Variants in PTBP3 observed in about 807,000 individuals in gnomAD.
The protein encoded by PTBP3 is polypyrimidine tract binding protein 3.
Under a neutral mutation model 58.7 loss-of-function variants are expected in PTBP3, and 20 were observed. The observed-to-expected ratio is 0.34, with a 90% confidence interval of 0.24 to 0.50. The LOEUF (loss-of-function observed/expected upper bound fraction) is 0.50. PTBP3 is among the 20% of genes least tolerant of loss of function. The pLI is 0.98. For synonymous variants in PTBP3, 185 were observed against 219.8 expected, an observed-to-expected ratio of 0.84 and a Z score of 1.40; for missense variants, 509 against 637.2, an observed-to-expected ratio of 0.80 and a Z score of 2.17.
chr9:112,379,667 C>T, the PTBP3 span, among the ~76,000 whole-genome samples: 2 of 152,248 alleles, frequency 1.3e-5, no homozygotes, highest in East Asian at 3.9e-4. Context: ...GCCGAGAGAA[C>T]GCCAGGCTCG....
chr9:112,241,076 G>A (rs1008709431), intron 7 of PTBP3, among the ~76,000 whole-genome samples: 8 of 151,914 alleles, frequency 5.3e-5, no homozygotes, highest in African/African-American at 1.9e-4. Context: ...AGTAAGCTAA[G>A]GTTATTTTAT....
chr9:112,345,683 A>T, the PTBP3 span, among the ~76,000 whole-genome samples: 4 of 152,064 alleles, frequency 2.6e-5, no homozygotes, highest in Admixed American at 2.6e-4. Context: ...ACCTGGCCAA[A>T]AAAAAGTAAA....
At chr9:112,228,917 A>C (rs1429914940) in intron 10 of PTBP3, among the ~76,000 whole-genome samples, 1 of 152,176 alleles carries the variant, frequency 6.6e-6, no homozygotes, top group Non-Finnish European at 1.5e-5. Context: ...CTACCATCAA[A>C]GCTATCAACA....
chr9:112,302,844 C>A (rs1829004990), intron 1 of PTBP3, among the ~76,000 whole-genome samples: 1 of 152,186 alleles, frequency 6.6e-6, no homozygotes, highest in Non-Finnish European at 1.5e-5. Flanking sequence ...CCCACCTCTG[C>A]CTCCTAAAGT....
intron 1 of PTBP3, among the ~76,000 whole-genome samples, chr9:112,312,787 T>C (rs367917391): frequency 6.6e-6 from 1 of 152,130 alleles, no homozygotes; most frequent in Non-Finnish European, 1.5e-5. Context: ...CTCATGCATG[T>C]AATCCCAGAA....
At chr9:112,357,046 A>AT in the PTBP3 span, among the ~76,000 whole-genome samples, 3 of 151,226 alleles carry the variant, frequency 2.0e-5, no homozygotes, top group Non-Finnish European at 4.4e-5. Flanking sequence ...CACCCGGCTA[A>AT]TTTTTTTGTA....
Position 112,282,153 on chromosome 9 carries a change from T to A in PTBP3, c.35-6140A>T, listed in dbSNP as rs182715363. Among the ~76,000 whole-genome samples, 371 of 152,284 alleles carry A rather than the reference T, an allele frequency of 2.4e-3. 8 individuals carry two copies. Among genetic ancestry groups the A allele is most frequent in the Admixed American group, 0.024 (364 of 15,296 alleles). ...GGTCCCAGCTCTAAATACCATCACATAGCGAGTTAGGGCTTCAACATACCA... is the reference window on the plus strand; with the variant it reads ...GGTCCCAGCTCTAAATACCATCACAAAGCGAGTTAGGGCTTCAACATACCA... On this transcript the variant is annotated intron_variant, in intron 2 of 13. Transcript: ENST00000374257.
intron 7 of PTBP3, among the ~76,000 whole-genome samples, chr9:112,235,463 T>A (rs1835403724): frequency 6.6e-6 from 1 of 152,158 alleles, no homozygotes; most frequent in Admixed American, 6.6e-5. Context: ...GTACTTAGTG[T>A]GTACTAAATG....
intron 7 of PTBP3, among the ~76,000 whole-genome samples, chr9:112,236,998 A>G (rs1417480841): frequency 6.6e-6 from 1 of 152,190 alleles, no homozygotes; most frequent in Admixed American, 6.6e-5. Flanking sequence ...AAAGGACAGC[A>G]AAGTGGCTAA....
chr9:112,247,236 AGCCTGG>A (rs1438473206), intron 7 of PTBP3, among the ~76,000 whole-genome samples: 1 of 151,528 alleles, frequency 6.6e-6, no homozygotes, highest in Non-Finnish European at 1.5e-5. Context: ...ACTGCACTTC[AGCCTGG>A]GCAACAGATT....
At chr9:112,304,465 T>C (rs1019199755) in intron 1 of PTBP3, among the ~76,000 whole-genome samples, 1 of 152,254 alleles carries the variant, frequency 6.6e-6, no homozygotes, top group Non-Finnish European at 1.5e-5. Context: ...GATAAATCAT[T>C]CATCTTAATA....
chr9:112,251,708 A>G (rs1284991282), intron 6 of PTBP3, among the ~76,000 whole-genome samples: 1 of 152,220 alleles, frequency 6.6e-6, no homozygotes, highest in East Asian at 1.9e-4. Flanking sequence ...ATAAAAATTT[A>G]CCTAAGGGTA....
Position 112,220,366 on chromosome 9 carries a change from C to T in PTBP3, c.*3485G>A, listed in dbSNP as rs749120490. The T allele has an allele frequency of 6.8e-5, 85 of 1,246,322 alleles. No individual in the cohort carries two copies. Among genetic ancestry groups the T allele is most frequent in the Non-Finnish European group, 8.0e-5 (77 of 968,236 alleles). 77.2% of individuals were successfully genotyped at this position (1,246,322 alleles called of 1,614,324 possible). The stretch of plus-strand genomic sequence containing the variant: ...AGAATCACTTGAGCCCAGGAGTTGG[C>T]GAGACCCCTAAAAATAAAATAAAGT... On this transcript the variant is annotated 3_prime_UTR_variant, in exon 14 of 14. Transcript: ENST00000374257.
chr9:112,367,500 C>T, the PTBP3 span, among the ~76,000 whole-genome samples: 2 of 152,100 alleles, frequency 1.3e-5, no homozygotes, highest in African/African-American at 4.8e-5. Context: ...TGAAGGACAG[C>T]ATTACTGACC....
chr9:112,271,988 A>G (rs1232125622), intron 3 of PTBP3, among the ~76,000 whole-genome samples: 2 of 152,196 alleles, frequency 1.3e-5, no homozygotes, highest in African/African-American at 2.4e-5. Context: ...TATATTTTAT[A>G]GTATACATAG....
At chr9:112,302,582 CT>C (rs369208342) in intron 1 of PTBP3, among the ~76,000 whole-genome samples, 27 of 110,504 alleles carry the variant, frequency 2.4e-4, no homozygotes, top group South Asian at 9.7e-4. Flanking sequence ...TATTCTTCAT[CT>C]TTTTTTTTTT....
At chr9:112,227,309 C>G in intron 12 of PTBP3, 102 bp downstream of exon 12, 1 of 1,232,136 alleles carries the variant, frequency 8.1e-7, no homozygotes, top group Non-Finnish European at 1.2e-6. Flanking sequence ...TTGACCAGGA[C>G]AACTGCTAGG....
At chr9:112,334,324 A>ATGGC (rs1037128268), upstream of PTBP3, among the ~76,000 whole-genome samples, 19 of 152,196 alleles carry the variant, frequency 1.2e-4, no homozygotes, top group African/African-American at 4.6e-4. Flanking sequence ...CAAACATGGA[A>ATGGC]TGGCTATATT....
chr9:112,241,097 G>A (rs1291996353), intron 7 of PTBP3, among the ~76,000 whole-genome samples: 2 of 151,864 alleles, frequency 1.3e-5, no homozygotes, highest in African/African-American at 4.8e-5. Flanking sequence ...TTATTTGTTT[G>A]TTTTTTATTT....
Sources: gnomAD v4.1 joint callset for allele counts (sites outside exome capture counted in the v4.1 genomes callset) on GRCh38, gnomAD v4.1.1 for gene constraint, MANE v1.5 for transcripts, NCBI Gene and HGNC (gene_info 2026-07-23, HGNC 2026-07-21) for gene names.